The following PSD3 variants were observed in gnomAD, a reference collection of about 807,000 sequenced individuals.
PSD3 encodes pleckstrin and Sec7 domain containing 3.
A neutral mutation model predicts 105.5 loss-of-function variants in PSD3; 49 were observed. The ratio of observed to expected loss-of-function variants is 0.46; its 90% CI spans 0.37 to 0.59. The LOEUF is 0.59. Among genes scored for constraint, PSD3 ranks in the 20% least tolerant of loss-of-function variants. The pLI is 0.00. For synonymous variants in PSD3, 557 were observed against 457.8 expected, an observed-to-expected ratio of 1.22 and a Z score of -2.77; for missense variants, 1,561 against 1,263.8, an observed-to-expected ratio of 1.24 and a Z score of -3.57.
intron 1 of PSD3, among the ~76,000 whole-genome samples, chr8:19,031,229 G>T (rs938065272): frequency 1.3e-5 from 2 of 152,160 alleles, no homozygotes; most frequent in African/African-American, 4.8e-5. Flanking sequence ...AATTTCTATT[G>T]TGTTCATGTA....
chr8:18,602,658 C>T (rs181908129), intron 11 of PSD3, among the ~76,000 whole-genome samples: 13 of 152,014 alleles, frequency 8.6e-5, no homozygotes, highest in African/African-American at 2.9e-4. Flanking sequence ...ACTATTGATA[C>T]TTCCATCTTA....
chr8:18,684,090 C>A, intron 9 of PSD3: 1 of 578,602 alleles, frequency 1.7e-6, no homozygotes, highest in East Asian at 2.8e-5. Context: ...CTGCCTCCCC[C>A]AGCATCTTCA....
chr8:18,558,684 G>C (rs1022939300), intron 14 of PSD3, among the ~76,000 whole-genome samples: 11 of 152,202 alleles, frequency 7.2e-5, no homozygotes, highest in Middle Eastern at 3.4e-3. Context: ...AGCCAGGCGT[G>C]GTAGCACGTG....
intron 12 of PSD3, among the ~76,000 whole-genome samples, chr8:18,594,382 A>T (rs1186163149): frequency 5.7e-4 from 65 of 113,684 alleles, no homozygotes; most frequent in Non-Finnish European, 9.9e-4. Flanking sequence ...ATAATATAAT[A>T]CATTATATAT....
At chr8:18,774,652 T>TACAA in intron 8 of PSD3, 1 of 371,260 alleles carries the variant, frequency 2.7e-6, no homozygotes, top group Non-Finnish European at 5.2e-6. Flanking sequence ...TGGCACATGA[T>TACAA]ACAAGTATTC....
intron 2 of PSD3, among the ~76,000 whole-genome samples, chr8:18,880,973 G>A (rs566719402): frequency 6.6e-6 from 1 of 152,224 alleles, no homozygotes; most frequent in Non-Finnish European, 1.5e-5. Context: ...GTAGAGTGTG[G>A]AGGAGGGAAG....
At chr8:18,594,385 T>A (rs1258794236) in intron 12 of PSD3, among the ~76,000 whole-genome samples, 1 of 114,228 alleles carries the variant, frequency 8.8e-6, no homozygotes, top group African/African-American at 3.8e-5. Context: ...ATATAATACA[T>A]TATATATAAT....
At chr8:19,062,767 G>T (rs538645415) in intron 1 of PSD3, among the ~76,000 whole-genome samples, 2 of 152,286 alleles carry the variant, frequency 1.3e-5, no homozygotes, top group South Asian at 4.1e-4. Context: ...AATCCATATT[G>T]ACCAAAATCA....
intron 12 of PSD3, among the ~76,000 whole-genome samples, chr8:18,589,768 C>T (rs1437895300): frequency 1.3e-5 from 2 of 152,006 alleles, no homozygotes; most frequent in Non-Finnish European, 2.9e-5. Flanking sequence ...GGCTTCTAAG[C>T]AGAAACAAAA....
chr8:18,947,382 G>C (rs1003808903), intron 1 of PSD3, among the ~76,000 whole-genome samples: 2 of 152,208 alleles, frequency 1.3e-5, no homozygotes, highest in South Asian at 2.1e-4. Flanking sequence ...GTGAGCACAA[G>C]ACCAATAACT....
At chr8:18,762,668 G>T (rs1439912262) in intron 9 of PSD3, among the ~76,000 whole-genome samples, 5 of 152,098 alleles carry the variant, frequency 3.3e-5, no homozygotes, top group Non-Finnish European at 7.3e-5. Flanking sequence ...AGTAAACAAC[G>T]AAAGCTGCAA....
intron 4 of PSD3, among the ~76,000 whole-genome samples, chr8:18,807,101 C>T (rs1457547903): frequency 6.6e-6 from 1 of 152,196 alleles, no homozygotes; most frequent in East Asian, 1.9e-4. Context: ...AAACTTACAT[C>T]ACGAAATGAC....
At chr8:18,674,456 G>C (rs1799961204) in intron 9 of PSD3, among the ~76,000 whole-genome samples, 1 of 152,126 alleles carries the variant, frequency 6.6e-6, no homozygotes, top group Non-Finnish European at 1.5e-5. Context: ...CATTCTTTGG[G>C]TCCTTGAAGG....
At chr8:18,644,892 G>C (rs148626840) in intron 10 of PSD3, among the ~76,000 whole-genome samples, 39 of 152,296 alleles carry the variant, frequency 2.6e-4, no homozygotes, top group Middle Eastern at 6.8e-3. Flanking sequence ...TTGGAGGCTG[G>C]AAGTTCAAAG....
intron 9 of PSD3, among the ~76,000 whole-genome samples, chr8:18,691,213 ATAAGT>A (rs1423007497): frequency 4.6e-5 from 7 of 152,228 alleles, no homozygotes; most frequent in African/African-American, 1.7e-4. Flanking sequence ...GAACACCCGT[ATAAGT>A]TAAACAGTTT....
chr8:18,911,227 G>T (rs573770491), intron 2 of PSD3, among the ~76,000 whole-genome samples: 1 of 152,300 alleles, frequency 6.6e-6, no homozygotes, highest in African/African-American at 2.4e-5. Context: ...CACAGACACA[G>T]ACTTTGGTTT....
At chr8:18,620,594 A>G (rs1241296300) in intron 11 of PSD3, among the ~76,000 whole-genome samples, 3 of 152,112 alleles carry the variant, frequency 2.0e-5, no homozygotes, top group African/African-American at 7.2e-5. Context: ...CTGTGGTCCC[A>G]GCTATTCAAT....
intron 1 of PSD3, among the ~76,000 whole-genome samples, chr8:19,013,330 G>C: frequency 6.6e-6 from 1 of 151,862 alleles, no homozygotes; most frequent in East Asian, 1.9e-4. Context: ...GCCGAGGTAT[G>C]AACTAAAACC....
intron 2 of PSD3, among the ~76,000 whole-genome samples, chr8:18,883,486 C>G (rs772938825): frequency 6.6e-6 from 1 of 152,106 alleles, no homozygotes; most frequent in Non-Finnish European, 1.5e-5. Flanking sequence ...AAATTTCTCT[C>G]ACAATGAATG....
Sources: allele counts gnomAD v4.1 joint callset (sites outside exome capture counted in the v4.1 genomes callset), GRCh38; gene constraint gnomAD v4.1.1; transcripts MANE v1.5; gene names NCBI Gene and HGNC (gene_info 2026-07-23, HGNC 2026-07-21).